MAST4: variants seen among roughly 807,000 people sequenced by gnomAD.
MAST4 encodes microtubule associated serine/threonine kinase family member 4, also known as microtubule-associated serine/threonine-protein kinase 4.
Under a neutral mutation model 162.7 loss-of-function variants are expected in MAST4, and 89 were observed. The observed-to-expected ratio is 0.55, with a 90% CI of 0.46 to 0.65. The LOEUF (loss-of-function observed/expected upper bound fraction) is 0.65, where lower values mean the gene tolerates loss of function less well. Among genes scored for constraint, MAST4 ranks in the 30% least tolerant of loss-of-function variants. The pLI, the probability that MAST4 is intolerant of heterozygous loss-of-function variation, is 0.00. For synonymous variants in MAST4, 1,479 were observed against 1,361.1 expected (o/e 1.09, Z -1.91); for missense variants, 3,153 against 3,374.0 (o/e 0.93, Z 1.62).
chr5:66,601,779 A>G (rs796320897), intron 1 of MAST4, among the ~76,000 whole-genome samples: 13 of 152,316 alleles, frequency 8.5e-5, no homozygotes, highest in African/African-American at 2.9e-4. Context: ...TCTAGAGGCA[A>G]TGGGAGCCAT....
chr5:66,658,282 T>C (rs1746679739), intron 1 of MAST4, among the ~76,000 whole-genome samples: 1 of 152,250 alleles, frequency 6.6e-6, no homozygotes, highest in Non-Finnish European at 1.5e-5. Flanking sequence ...ATTCTTCAGC[T>C]AAACATTTTA....
At chr5:66,919,137 C>CACACAA (rs946950174) in intron 4 of MAST4, among the ~76,000 whole-genome samples, 1 of 150,260 alleles carries the variant, frequency 6.7e-6, no homozygotes. Flanking sequence ...CACACACACA[C>CACACAA]AAATTTGAGA....
intron 4 of MAST4, among the ~76,000 whole-genome samples, chr5:67,029,463 G>A (rs1581254518): frequency 6.6e-6 from 1 of 152,276 alleles, no homozygotes; most frequent in Middle Eastern, 3.4e-3. Context: ...GATACCTACT[G>A]AAATGTCATC....
chr5:67,148,881 A>G (rs1161324556), intron 23 of MAST4, among the ~76,000 whole-genome samples: 1 of 152,218 alleles, frequency 6.6e-6, no homozygotes, highest in Non-Finnish European at 1.5e-5. Flanking sequence ...GCACAGACGT[A>G]AGTCTACAGG....
intron 1 of MAST4, among the ~76,000 whole-genome samples, chr5:66,718,907 G>T (rs1324156555): frequency 2.0e-5 from 3 of 152,198 alleles, no homozygotes; most frequent in African/African-American, 7.2e-5. Context: ...GTCATTCTTA[G>T]TAATAGCTTT....
At chr5:66,923,054 CTT>C (rs1400008622) in intron 4 of MAST4, among the ~76,000 whole-genome samples, 1 of 152,136 alleles carries the variant, frequency 6.6e-6, no homozygotes, top group Non-Finnish European at 1.5e-5. Context: ...CAGAAGAATT[CTT>C]TTATCTCCTA....
chr5:67,131,441 G>A lies in MAST4; in HGVS notation c.1955-372G>A, dbSNP rs369701169. ...GAACCAAGAGTCGTTTGCCTAGGATGTCTCAGCTGGTAAGAGGCAGAGCTA... is the reference window on the plus strand; with the variant it reads ...GAACCAAGAGTCGTTTGCCTAGGATATCTCAGCTGGTAAGAGGCAGAGCTA... On this transcript the variant is annotated intron_variant, in intron 15 of 28. Transcript: ENST00000403625. Among the ~76,000 whole-genome samples, 7 of 152,044 alleles carry A rather than the reference G, an allele frequency of 4.6e-5. No homozygotes were observed. In the East Asian group the frequency reaches 9.7e-4, roughly 21 times the overall value.
At chr5:66,689,578 T>G (rs889393124) in intron 1 of MAST4, among the ~76,000 whole-genome samples, 1 of 152,178 alleles carries the variant, frequency 6.6e-6, no homozygotes, top group Non-Finnish European at 1.5e-5. Flanking sequence ...CCTTATTGTT[T>G]ATTTGACCTA....
chr5:66,668,714 G>A (rs1038919726), intron 1 of MAST4, among the ~76,000 whole-genome samples: 1 of 152,242 alleles, frequency 6.6e-6, no homozygotes, highest in Non-Finnish European at 1.5e-5. Context: ...TCTTGGTTTG[G>A]TATAATTTTG....
At chr5:67,027,701 G>A (rs1285336753) in intron 4 of MAST4, among the ~76,000 whole-genome samples, 1 of 152,170 alleles carries the variant, frequency 6.6e-6, no homozygotes, top group African/African-American at 2.4e-5. Flanking sequence ...AATAGAGTTG[G>A]ATGAAGAAGG....
At chr5:66,653,368 C>T (rs771125230) in intron 1 of MAST4, among the ~76,000 whole-genome samples, 2 of 152,160 alleles carry the variant, frequency 1.3e-5, no homozygotes, top group African/African-American at 4.8e-5. Context: ...GCGACCATTC[C>T]ACCTTTGTTG....
intron 4 of MAST4, among the ~76,000 whole-genome samples, chr5:67,004,251 G>T (rs535297930): frequency 2.6e-5 from 4 of 152,082 alleles, no homozygotes; most frequent in African/African-American, 9.7e-5. Flanking sequence ...CCTCAGGCGC[G>T]GCCGGGGCTG....
intron 1 of MAST4, among the ~76,000 whole-genome samples, chr5:66,745,306 C>T (rs1167343437): frequency 6.6e-6 from 1 of 152,044 alleles, no homozygotes; most frequent in Non-Finnish European, 1.5e-5. Flanking sequence ...GCAGTTGCTG[C>T]CTAAAGAAGG....
At chr5:67,073,406 A>G (rs574617211) in intron 5 of MAST4, among the ~76,000 whole-genome samples, 22 of 152,348 alleles carry the variant, frequency 1.4e-4, no homozygotes, top group Admixed American at 5.2e-4. Context: ...AACTGCAAGG[A>G]AAGTTGGAAA....
intron 2 of MAST4, among the ~76,000 whole-genome samples, chr5:66,760,492 A>G: frequency 6.6e-6 from 1 of 152,144 alleles, no homozygotes; most frequent in East Asian, 1.9e-4. Context: ...CGTGATCAGG[A>G]TATAAAATGT....
At chr5:66,794,157 C>G (rs748211579) in intron 3 of MAST4, among the ~76,000 whole-genome samples, 2 of 152,092 alleles carry the variant, frequency 1.3e-5, no homozygotes, top group Non-Finnish European at 2.9e-5. Flanking sequence ...ATTCTTCAAG[C>G]CAGAGAGAAA....
intron 4 of MAST4, among the ~76,000 whole-genome samples, chr5:66,991,884 C>G (rs1307867925): frequency 6.6e-6 from 1 of 152,128 alleles, no homozygotes; most frequent in East Asian, 1.9e-4. Flanking sequence ...CTGGGCCTTC[C>G]TGCTTTTTTC....
chr5:67,141,775 A>C (rs1345581556), intron 19 of MAST4, among the ~76,000 whole-genome samples: 1 of 152,204 alleles, frequency 6.6e-6, no homozygotes, highest in East Asian at 1.9e-4. Flanking sequence ...TTAATGAGTG[A>C]GTCTGCTGTG....
At chr5:66,630,821 C>T (rs1744747926) in intron 1 of MAST4, among the ~76,000 whole-genome samples, 1 of 152,020 alleles carries the variant, frequency 6.6e-6, no homozygotes, top group Non-Finnish European at 1.5e-5. Context: ...ATCTCTGGTG[C>T]CTTATAGATT....
Sources: allele counts gnomAD v4.1 joint callset (sites outside exome capture counted in the v4.1 genomes callset), GRCh38; gene constraint gnomAD v4.1.1; transcripts MANE v1.5; gene names NCBI Gene and HGNC (gene_info 2026-07-23, HGNC 2026-07-21).